Variants in EYS observed in about 807,000 individuals in gnomAD.
EYS encodes protein eyes shut homolog.
In EYS, 250 loss-of-function variants were observed where a neutral mutation model predicts 282.1. The observed-to-expected ratio is 0.89, with a 90% CI of 0.80 to 0.98. The LOEUF (loss-of-function observed/expected upper bound fraction) is 0.98. Among genes scored for constraint, EYS ranks in the 50% least tolerant of loss-of-function variants. The pLI is 0.00. For missense variants in EYS, 4,016 were observed against 3,709.0 expected (o/e 1.08, Z -2.15); for synonymous variants, 1,355 against 1,282.9 (o/e 1.06, Z -1.20).
At chr6:65,211,738 C>A (rs1766181298) in intron 12 of EYS, among the ~76,000 whole-genome samples, 1 of 151,320 alleles carries the variant, frequency 6.6e-6, no homozygotes, top group South Asian at 2.1e-4. Context: ...GTAGGAGGGG[C>A]AGAAAAAAAA....
intron 5 of EYS, among the ~76,000 whole-genome samples, chr6:65,430,378 C>A (rs754018072): frequency 7.2e-5 from 11 of 152,172 alleles, no homozygotes; most frequent in Non-Finnish European, 1.6e-4. Context: ...CCACTAATCC[C>A]AGCAGTCCTG....
intron 36 of EYS, among the ~76,000 whole-genome samples, chr6:63,816,361 T>C (rs1341107424): frequency 6.6e-6 from 1 of 152,194 alleles, no homozygotes; most frequent in East Asian, 1.9e-4. Flanking sequence ...TGAAATAAAG[T>C]ATTTTATTTG....
At chr6:65,568,012 C>T (rs1483502655) in intron 2 of EYS, among the ~76,000 whole-genome samples, 1 of 152,054 alleles carries the variant, frequency 6.6e-6, no homozygotes, top group East Asian at 1.9e-4. Flanking sequence ...CGTTTTCCCA[C>T]CTAGAACAAG....
chr6:65,245,812 T>C (rs1007802141), intron 12 of EYS, among the ~76,000 whole-genome samples: 3 of 152,070 alleles, frequency 2.0e-5, no homozygotes, highest in Non-Finnish European at 2.9e-5. Context: ...TTTTGTGTTA[T>C]CATCTCAGTG....
chr6:64,633,981 T>C (rs1241873558), intron 22 of EYS, among the ~76,000 whole-genome samples: 1 of 152,086 alleles, frequency 6.6e-6, no homozygotes, highest in Non-Finnish European at 1.5e-5. Flanking sequence ...TGCTTGTGTT[T>C]GTTTCTTTGT....
chr6:64,392,853 A>C (rs1279240382), intron 28 of EYS, among the ~76,000 whole-genome samples: 1 of 152,010 alleles, frequency 6.6e-6, no homozygotes, highest in Non-Finnish European at 1.5e-5. Flanking sequence ...GATTTTTGAA[A>C]GGATCAACAA....
rs920727804 is a variant in EYS at position 64,715,291 on chromosome 6, T to C, written c.3444-89046A>G. 1.0e-4 allele frequency among the ~76,000 whole-genome samples: 4 copies of C among 39,570 alleles called. No homozygotes were observed. The South Asian group carries it at 4.3e-3, about 43-fold the overall frequency. 26.0% of individuals were successfully genotyped at this position (39,570 alleles called of 152,430 possible). ...GGGAGACAGTGGTACCTGAAGTGTG[T>C]TGCTTACGTCCAGTCTACTCCAAAA... On this transcript the variant is annotated intron_variant, in intron 22 of 42. Transcript: ENST00000503581.
chr6:65,389,445 G>C (rs1283702359), intron 7 of EYS, among the ~76,000 whole-genome samples: 2 of 152,048 alleles, frequency 1.3e-5, no homozygotes, highest in Admixed American at 1.3e-4. Context: ...TCAAATCTCC[G>C]CCAAAATATT....
chr6:65,166,996 C>A (rs1321243358), intron 12 of EYS, among the ~76,000 whole-genome samples: 2 of 151,086 alleles, frequency 1.3e-5, no homozygotes, highest in Admixed American at 6.6e-5. Context: ...TAACGAAATA[C>A]CCCTTCACAC....
intron 21 of EYS, among the ~76,000 whole-genome samples, chr6:64,814,976 C>T (rs918003874): frequency 2.6e-5 from 4 of 151,864 alleles, no homozygotes; most frequent in Admixed American, 6.6e-5. Context: ...AAACTCATAC[C>T]GACAAGACTA....
intron 39 of EYS, among the ~76,000 whole-genome samples, chr6:63,780,493 G>A (rs1420285601): frequency 6.6e-6 from 1 of 152,152 alleles, no homozygotes; most frequent in Admixed American, 6.5e-5. Flanking sequence ...TTTCTCTGAT[G>A]GCCACTGATG....
chr6:65,151,109 G>A (rs538900668), intron 12 of EYS, among the ~76,000 whole-genome samples: 10 of 151,890 alleles, frequency 6.6e-5, no homozygotes, highest in African/African-American at 2.4e-4. Flanking sequence ...TTTTGACAAT[G>A]ATTACATAAA....
chr6:64,630,823 A>C (rs151181284), intron 22 of EYS, among the ~76,000 whole-genome samples: 17 of 152,346 alleles, frequency 1.1e-4, no homozygotes, highest in African/African-American at 3.6e-4. Flanking sequence ...ATAAAATAGA[A>C]GTGCATAACA....
intron 30 of EYS, among the ~76,000 whole-genome samples, chr6:64,254,425 C>T (rs745636224): frequency 3.3e-5 from 5 of 152,072 alleles, no homozygotes; most frequent in Non-Finnish European, 7.4e-5. Context: ...GCTGACCTAT[C>T]TTACTACATC....
At chr6:64,210,679 T>G (rs1765737329) in intron 31 of EYS, among the ~76,000 whole-genome samples, 1 of 152,208 alleles carries the variant, frequency 6.6e-6, no homozygotes, top group Non-Finnish European at 1.5e-5. Context: ...TGATATTTCA[T>G]ATTCTCAATG....
intron 22 of EYS, among the ~76,000 whole-genome samples, chr6:64,667,859 T>C (rs964840948): frequency 6.6e-6 from 1 of 152,182 alleles, no homozygotes; most frequent in African/African-American, 2.4e-5. Flanking sequence ...AAGGACTCCA[T>C]GTATTCAGCT....
intron 35 of EYS, among the ~76,000 whole-genome samples, chr6:63,910,622 A>C (rs1468787120): frequency 6.6e-6 from 1 of 152,150 alleles, no homozygotes; most frequent in Non-Finnish European, 1.5e-5. Flanking sequence ...TACTAATTGT[A>C]CTTACCATAC....
At chr6:63,843,009 G>A (rs1772002648) in intron 36 of EYS, among the ~76,000 whole-genome samples, 1 of 152,130 alleles carries the variant, frequency 6.6e-6, no homozygotes, top group Non-Finnish European at 1.5e-5. Context: ...GGTTACTGTA[G>A]ACTTGTAGTA....
At chr6:64,399,556 C>T (rs1031796492) in intron 28 of EYS, among the ~76,000 whole-genome samples, 13 of 151,988 alleles carry the variant, frequency 8.6e-5, no homozygotes, top group South Asian at 2.1e-4. Flanking sequence ...AATTTATTCA[C>T]TACAGATGAA....
Sources: allele counts gnomAD v4.1 joint callset (sites outside exome capture counted in the v4.1 genomes callset), GRCh38; gene constraint gnomAD v4.1.1; transcripts MANE v1.5; gene names NCBI Gene and HGNC (gene_info 2026-07-23, HGNC 2026-07-21).